The following VPS13B variants were observed in gnomAD, a reference collection of about 807,000 sequenced individuals.
The protein encoded by VPS13B is vacuolar protein sorting 13 homolog B.
A neutral mutation model predicts 426.4 loss-of-function variants in VPS13B; 285 were observed. That is an observed-to-expected ratio of 0.67 (90% CI 0.61 to 0.74). The LOEUF (loss-of-function observed/expected upper bound fraction) is 0.74. Ranked by LOEUF, VPS13B falls within the 30% of genes least tolerant of loss-of-function variation. The probability of loss-of-function intolerance (pLI) is 0.00; values close to 1 mark genes in which losing one functional copy is unlikely to be tolerated. For missense variants in VPS13B, 4,537 were observed against 4,782.6 expected (o/e 0.95, Z 1.51); for synonymous variants, 1,676 against 1,676.4 (o/e 1.00, Z 0.01).
intron 41 of VPS13B, 36 bp from the exon 42 acceptor site, chr8:99,778,646 C>G (rs749821747): frequency 6.3e-7 from 1 of 1,578,612 alleles, no homozygotes; most frequent in South Asian, 1.1e-5. Context: ...ATTGGCTCAT[C>G]TTAATTGCTG....
At chr8:99,526,799 C>T (rs1822667125) in intron 30 of VPS13B, among the ~76,000 whole-genome samples, 1 of 152,084 alleles carries the variant, frequency 6.6e-6, no homozygotes. Flanking sequence ...TCAAATTAAA[C>T]CAGTGATTCC....
intron 29 of VPS13B, among the ~76,000 whole-genome samples, chr8:99,517,977 AAATT>A (rs1386458131): frequency 6.6e-6 from 1 of 152,008 alleles, no homozygotes; most frequent in African/African-American, 2.4e-5. Context: ...TTCTATAATA[AAATT>A]AATTATTTTA....
Position 99,275,161 on chromosome 8 carries a change from A to G in VPS13B, c.2731A>G (p.Asn911Asp). 1 of 1,612,976 alleles carries G rather than the reference A, an allele frequency of 6.2e-7. No individual in the cohort carries two copies. Among genetic ancestry groups the G allele is most frequent in the Non-Finnish European group, 8.5e-7 (1 of 1,179,366 alleles). The change falls in exon 19 of 62, where the codon AAT (asparagine) becomes GAT (aspartate). Residue 911 changes from asparagine (N) to aspartate (D), a missense_variant. By Grantham distance (23) the Asn-to-Asp change is conservative (BLOSUM62 1). This residue lies in a region of VPS13B where 4,311 missense variants were observed against 4,474.3 expected (regional missense o/e 0.96). Transcript: ENST00000357162. ...AGACCTTCATAGCACCAAGTGGCTC[A>G]ATGAGAGTAGAAAGCCAGAGTCTCT... ...TKDLHSTKWL[N>D]ESRKPESLLA...
chr8:99,087,081 C>T (rs557493312), intron 3 of VPS13B, among the ~76,000 whole-genome samples: 4 of 152,256 alleles, frequency 2.6e-5, no homozygotes, highest in East Asian at 3.9e-4. Flanking sequence ...AGGCAGGCCT[C>T]CTTGAGCTGT....
At chr8:99,087,955 A>C (rs1244809316) in intron 3 of VPS13B, among the ~76,000 whole-genome samples, 4 of 151,988 alleles carry the variant, frequency 2.6e-5, no homozygotes, top group Admixed American at 2.0e-4. Context: ...AGGCCGAAGC[A>C]GGTAGATCAG....
intron 2 of VPS13B, 33 bp from the exon 3 acceptor site, chr8:99,038,390 T>TA (rs780314543): frequency 4.7e-5 from 72 of 1,544,074 alleles, no homozygotes; most frequent in Non-Finnish European, 6.1e-5. Context: ...ATTAAGCACT[T>TA]ACTAATTTTT....
At chr8:99,648,700 A>G (rs1416850638) in intron 34 of VPS13B, among the ~76,000 whole-genome samples, 1 of 152,136 alleles carries the variant, frequency 6.6e-6, no homozygotes, top group Non-Finnish European at 1.5e-5. Flanking sequence ...TATTACATCT[A>G]TATATTCAAA....
At chr8:99,864,545 C>A (rs1034753075) in intron 58 of VPS13B, among the ~76,000 whole-genome samples, 3 of 152,118 alleles carry the variant, frequency 2.0e-5, no homozygotes, top group African/African-American at 7.2e-5. Context: ...CAGAGTGAGA[C>A]CTTGTCTCAA....
intron 8 of VPS13B, among the ~76,000 whole-genome samples, chr8:99,131,266 A>G (rs1237154909): frequency 3.3e-5 from 5 of 152,220 alleles, no homozygotes; most frequent in Non-Finnish European, 5.9e-5. Flanking sequence ...TCATTGATGC[A>G]TTACTGTTAC....
chr8:99,170,520 G>T (rs1812270302), intron 16 of VPS13B, among the ~76,000 whole-genome samples: 1 of 151,596 alleles, frequency 6.6e-6, no homozygotes, highest in Non-Finnish European at 1.5e-5. Flanking sequence ...CAAGACCAAA[G>T]TATTTATCTA....
At chr8:99,726,486 TACTC>T (rs1426283259) in intron 39 of VPS13B, among the ~76,000 whole-genome samples, 2 of 152,344 alleles carry the variant, frequency 1.3e-5, no homozygotes, top group East Asian at 3.9e-4. Context: ...AGATTATAAA[TACTC>T]AATCCATTTT....
chr8:99,525,618 A>G (rs1007803625), intron 30 of VPS13B, among the ~76,000 whole-genome samples: 3 of 152,244 alleles, frequency 2.0e-5, no homozygotes, highest in African/African-American at 7.2e-5. Flanking sequence ...GAGGGAGGCT[A>G]CTGTACATCA....
intron 37 of VPS13B, 118 bp downstream of exon 37, chr8:99,717,491 G>C: frequency 1.1e-6 from 1 of 939,986 alleles, no homozygotes; most frequent in South Asian, 1.5e-5. Flanking sequence ...TTGTCAGATT[G>C]CTACTTGTTA....
At chr8:99,344,251 A>C (rs147395576) in intron 19 of VPS13B, among the ~76,000 whole-genome samples, 189 of 152,356 alleles carry the variant, frequency 1.2e-3, no homozygotes, top group African/African-American at 4.4e-3. Context: ...CTGGCTGTGC[A>C]CATGCACAAA....
chr8:99,579,713 C>CTTTCT lies in VPS13B; in HGVS notation c.5220+2083_5220+2084insCTTTT, dbSNP rs1554854356. On this transcript the variant is annotated intron_variant, in intron 33 of 61. Coordinates refer to ENST00000357162, the MANE Select transcript of VPS13B (RefSeq NM_152564.5). ...GCGCCTGGCCTTTCTTTCTTTCTTT[C>CTTTCT]TTTTTTTTTTAACACGGAGTCTCAC... is the stretch of plus-strand genomic sequence containing the variant. Among the ~76,000 whole-genome samples the CTTTCT allele has an allele frequency of 1.8e-4, 26 of 144,052 alleles. 1 individual carries two copies. The East Asian group carries it at 5.2e-3, about 29-fold the overall frequency. 94.5% of individuals were successfully genotyped at this position (144,052 alleles called of 152,430 possible).
At chr8:99,625,064 A>T (rs1270187694) in intron 33 of VPS13B, among the ~76,000 whole-genome samples, 1 of 151,990 alleles carries the variant, frequency 6.6e-6, no homozygotes, top group African/African-American at 2.4e-5. Context: ...ACCTCAGGTG[A>T]TCCACCCGCC....
chr8:99,578,699 A>G (rs1265530790), intron 33 of VPS13B, among the ~76,000 whole-genome samples: 5 of 152,100 alleles, frequency 3.3e-5, no homozygotes, highest in Non-Finnish European at 7.4e-5. Context: ...TTCCCCATGC[A>G]TTTTCGATGA....
At chr8:99,330,593 T>C (rs1263125686) in intron 19 of VPS13B, among the ~76,000 whole-genome samples, 3 of 151,914 alleles carry the variant, frequency 2.0e-5, no homozygotes, top group Non-Finnish European at 2.9e-5. Context: ...CTTTTCTTCC[T>C]CAATTTTGTT....
chr8:99,857,447 TCTG>T (rs1393960273), intron 56 of VPS13B, among the ~76,000 whole-genome samples: 1 of 152,250 alleles, frequency 6.6e-6, no homozygotes, highest in African/African-American at 2.4e-5. Context: ...CTAAAGGGAA[TCTG>T]CTGTTTCTTT....
Sources: gnomAD v4.1 joint callset for allele counts (sites outside exome capture counted in the v4.1 genomes callset) on GRCh38, gnomAD v4.1.1 for gene constraint, gnomAD v4.1.1 regional missense constraint, MANE v1.5 for transcripts, NCBI Gene and HGNC (gene_info 2026-07-23, HGNC 2026-07-21) for gene names.